TANC2: variants seen among roughly 807,000 people sequenced by gnomAD.
TANC2 encodes protein TANC2.
A neutral mutation model predicts 210.5 loss-of-function variants in TANC2; 26 were observed. The observed-to-expected ratio is 0.12, with a 90% CI of 0.09 to 0.17. The LOEUF is 0.17. TANC2 is among the 10% of genes least tolerant of loss of function. The pLI, the probability that TANC2 is intolerant of heterozygous loss-of-function variation, is 1.00. For synonymous variants in TANC2, 931 were observed against 967.1 expected (o/e 0.96, Z 0.69); for missense variants, 2,129 against 2,608.9 (o/e 0.82, Z 4.01).
At chr17:63,220,744 A>G (rs1323519711) in intron 7 of TANC2, among the ~76,000 whole-genome samples, 2 of 146,716 alleles carry the variant, frequency 1.4e-5, no homozygotes, top group Non-Finnish European at 3.0e-5. Context: ...ATATGTATAT[A>G]TATATGTGTA....
At chr17:63,229,936 G>T (rs2042428485) in intron 7 of TANC2, among the ~76,000 whole-genome samples, 1 of 151,970 alleles carries the variant, frequency 6.6e-6, no homozygotes, top group South Asian at 2.1e-4. Flanking sequence ...TGGGATTACA[G>T]GTGTGTCCCA....
chr17:63,316,435 A>G (rs1416232004), intron 10 of TANC2, among the ~76,000 whole-genome samples: 4 of 152,160 alleles, frequency 2.6e-5, no homozygotes, highest in Admixed American at 6.5e-5. Flanking sequence ...GGATCTCTCT[A>G]TGAGCCTGGG....
At chr17:63,000,224 C>T (rs1391364827) in intron 1 of TANC2, among the ~76,000 whole-genome samples, 1 of 151,924 alleles carries the variant, frequency 6.6e-6, no homozygotes, top group Non-Finnish European at 1.5e-5. Flanking sequence ...CTTGAATCTA[C>T]AATAAGTTAA....
At chr17:63,307,302 G>T (rs1217367433) in intron 9 of TANC2, among the ~76,000 whole-genome samples, 3 of 152,120 alleles carry the variant, frequency 2.0e-5, no homozygotes, top group African/African-American at 7.2e-5. Flanking sequence ...TCGATAAGAA[G>T]GACCCTTTCT....
At chr17:62,996,111 T>C (rs1368040248) in intron 1 of TANC2, among the ~76,000 whole-genome samples, 3 of 152,224 alleles carry the variant, frequency 2.0e-5, no homozygotes, top group Non-Finnish European at 4.4e-5. Context: ...GGCTTGATCC[T>C]ATTACTGTAT....
At chr17:63,131,218 GCA>G (rs1405360387) in intron 4 of TANC2, among the ~76,000 whole-genome samples, 1 of 152,182 alleles carries the variant, frequency 6.6e-6, no homozygotes, top group Non-Finnish European at 1.5e-5. Context: ...TAAGTTCACA[GCA>G]CAGTTTCATA....
chr17:63,340,660 G>A (rs1479941553), intron 12 of TANC2, among the ~76,000 whole-genome samples: 1 of 152,098 alleles, frequency 6.6e-6, no homozygotes, highest in Non-Finnish European at 1.5e-5. Context: ...ACGCAGTGTT[G>A]TGAAGTTTCT....
At chr17:63,220,965 T>G (rs1567827120) in intron 7 of TANC2, among the ~76,000 whole-genome samples, 1 of 151,684 alleles carries the variant, frequency 6.6e-6, no homozygotes, top group Admixed American at 6.6e-5. Flanking sequence ...GATCATAGAC[T>G]TAAACCTAAG....
intron 9 of TANC2, among the ~76,000 whole-genome samples, chr17:63,281,238 CTG>C (rs1200361141): frequency 6.6e-6 from 1 of 152,104 alleles, no homozygotes; most frequent in Non-Finnish European, 1.5e-5. Flanking sequence ...TCTTTCCAAT[CTG>C]TGGATGGCTT....
At position 63,194,158 on chromosome 17, in the gene TANC2, C is replaced by T. The variant is rs745319772; in HGVS notation, c.582+19C>T. On this transcript the variant is annotated intron_variant, in intron 6 of 27. Coordinates refer to ENST00000689528, the Ensembl canonical transcript of TANC2. ...AAATCAGGTAAGCTGTTTGCTATCA[C>T]CTTTGTGAAACATGGTGTGAATCAG... 6.8e-6 allele frequency: 11 copies of T among 1,606,904 alleles called. No individual in the cohort carries two copies. The South Asian group carries it at 1.1e-4, about 16-fold the overall frequency.
At chr17:63,234,575 T>C (rs2042569619) in intron 7 of TANC2, among the ~76,000 whole-genome samples, 1 of 152,212 alleles carries the variant, frequency 6.6e-6, no homozygotes. Context: ...CTTTAGCCTC[T>C]GTGCTTTCCT....
At chr17:63,342,287 A>G (rs528854092) in intron 12 of TANC2, among the ~76,000 whole-genome samples, 1 of 152,212 alleles carries the variant, frequency 6.6e-6, no homozygotes, top group African/African-American at 2.4e-5. Flanking sequence ...GTTTATAAGA[A>G]TTACTTTTGT....
intron 5 of TANC2, chr17:63,154,902 C>G (rs1380034309): frequency 6.6e-6 from 1 of 152,024 alleles, no homozygotes; most frequent in Non-Finnish European, 1.5e-5. Flanking sequence ...ACAAATTATG[C>G]TTTTATATAG....
chr17:63,059,929 T>C (rs2035935842), intron 2 of TANC2, among the ~76,000 whole-genome samples: 1 of 152,200 alleles, frequency 6.6e-6, no homozygotes, highest in African/African-American at 2.4e-5. Flanking sequence ...GCACTAGACA[T>C]GTCCACTGCT....
At chr17:63,148,444 T>C (rs1258201512) in intron 4 of TANC2, 1 of 152,178 alleles carries the variant, frequency 6.6e-6, no homozygotes, top group African/African-American at 2.4e-5. Flanking sequence ...CCTAATTTCT[T>C]ACTATTAATA....
chr17:63,243,861 T>TA (rs1293643736), intron 8 of TANC2, among the ~76,000 whole-genome samples: 1 of 152,240 alleles, frequency 6.6e-6, no homozygotes, highest in African/African-American at 2.4e-5. Flanking sequence ...TAAGTGATGA[T>TA]ACCAGCCATT....
chr17:63,122,428 T>C (rs2038520572), intron 4 of TANC2, among the ~76,000 whole-genome samples: 1 of 152,168 alleles, frequency 6.6e-6, no homozygotes, highest in African/African-American at 2.4e-5. Context: ...AGAAATCATC[T>C]TAGCACTCCA....
At chr17:63,285,675 C>T (rs760141012) in intron 9 of TANC2, among the ~76,000 whole-genome samples, 3 of 152,130 alleles carry the variant, frequency 2.0e-5, no homozygotes, top group Admixed American at 6.6e-5. Context: ...CCAGTTAAGT[C>T]ACACAACATA....
At chr17:63,301,989 A>G (rs980484118) in intron 9 of TANC2, among the ~76,000 whole-genome samples, 6 of 152,044 alleles carry the variant, frequency 3.9e-5, no homozygotes, top group African/African-American at 1.2e-4. Flanking sequence ...CTTTGTTCTC[A>G]TTGGTTTCAG....
Sources: allele counts gnomAD v4.1 joint callset (sites outside exome capture counted in the v4.1 genomes callset), GRCh38; gene constraint gnomAD v4.1.1; transcripts MANE v1.5; gene names NCBI Gene and HGNC (gene_info 2026-07-23, HGNC 2026-07-21).